The following CDH13 variants were observed in gnomAD, a reference collection of about 807,000 sequenced individuals.
CDH13 encodes cadherin 13.
CDH13 carries 24 observed loss-of-function variants against 63.8 expected under a neutral mutation model. The ratio of observed to expected loss-of-function variants is 0.38; its 90% CI spans 0.27 to 0.53. The LOEUF is 0.53. Ranked by LOEUF, CDH13 falls within the 20% of genes least tolerant of loss-of-function variation. The probability of loss-of-function intolerance (pLI) is 0.85; values close to 1 mark genes in which losing one functional copy is unlikely to be tolerated. For missense variants in CDH13, 1,049 were observed against 903.1 expected, an observed-to-expected ratio of 1.16 and a Z score of -2.07; for synonymous variants, 503 against 355.3, an observed-to-expected ratio of 1.42 and a Z score of -4.67.
At chr16:83,170,947 C>T (rs1290743092) in intron 4 of CDH13, among the ~76,000 whole-genome samples, 1 of 152,058 alleles carries the variant, frequency 6.6e-6, no homozygotes. Context: ...CGTCGCTATC[C>T]TCTTCTCCTC....
intron 5 of CDH13, among the ~76,000 whole-genome samples, chr16:83,266,591 C>T (rs1048682093): frequency 6.6e-6 from 1 of 152,230 alleles, no homozygotes; most frequent in African/African-American, 2.4e-5. Flanking sequence ...CTCCCCTCTT[C>T]ACACTCCAGG....
chr16:83,439,200 G>A (rs890130289), intron 6 of CDH13, among the ~76,000 whole-genome samples: 4 of 152,064 alleles, frequency 2.6e-5, no homozygotes, highest in Non-Finnish European at 4.4e-5. Flanking sequence ...TGGAAAGAAC[G>A]GTGTCTGGCA....
intron 3 of CDH13, among the ~76,000 whole-genome samples, chr16:83,124,757 G>T (rs1164913441): frequency 1.3e-5 from 2 of 151,946 alleles, no homozygotes; most frequent in African/African-American, 4.8e-5. Flanking sequence ...TGGGTGTTTA[G>T]GCCAACACCA....
intron 1 of CDH13, among the ~76,000 whole-genome samples, chr16:82,782,604 T>C (rs1022742210): frequency 2.0e-5 from 3 of 151,750 alleles, no homozygotes; most frequent in African/African-American, 7.3e-5. Flanking sequence ...AAGTGCATAA[T>C]AGGTAGATAA....
At position 83,724,318 on chromosome 16, in the gene CDH13, G is replaced by T. The variant is rs1369365877; in HGVS notation, c.1539-23790G>T. On this transcript the variant is annotated intron_variant, in intron 10 of 13. Transcript: ENST00000567109. ...ATGAATGCATGGGTGAGTGATGAATGAATGGATGAGTGTGGAATGCATGGC... is the reference window on the plus strand; with the variant it reads ...ATGAATGCATGGGTGAGTGATGAATTAATGGATGAGTGTGGAATGCATGGC... Among the ~76,000 whole-genome samples the T allele has an allele frequency of 2.6e-5, 4 of 151,238 alleles. No homozygotes were observed. In the East Asian group the frequency reaches 7.8e-4, roughly 29 times the overall value.
intron 3 of CDH13, among the ~76,000 whole-genome samples, chr16:83,102,591 G>A (rs575476993): frequency 2.6e-5 from 4 of 152,268 alleles, no homozygotes; most frequent in African/African-American, 7.2e-5. Flanking sequence ...TGGAAGCTAC[G>A]AAGCAGAGGA....
intron 3 of CDH13, among the ~76,000 whole-genome samples, chr16:83,033,934 C>T (rs1003012774): frequency 6.6e-6 from 1 of 152,124 alleles, no homozygotes; most frequent in Non-Finnish European, 1.5e-5. Flanking sequence ...TCCCTTTTCT[C>T]CACCTGCCAT....
chr16:82,945,556 TG>T (rs1432617336), intron 2 of CDH13, among the ~76,000 whole-genome samples: 1 of 152,198 alleles, frequency 6.6e-6, no homozygotes, highest in Non-Finnish European at 1.5e-5. Context: ...GGGCATTTAC[TG>T]TGGTGCATAT....
chr16:83,680,843 G>C (rs1037383367), intron 10 of CDH13, among the ~76,000 whole-genome samples: 4 of 151,962 alleles, frequency 2.6e-5, no homozygotes, highest in African/African-American at 9.7e-5. Context: ...AAAGTCCATG[G>C]GAACAAAGGC....
intron 10 of CDH13, among the ~76,000 whole-genome samples, chr16:83,729,743 C>G (rs1910830998): frequency 6.6e-6 from 1 of 152,214 alleles, no homozygotes; most frequent in African/African-American, 2.4e-5. Context: ...AGCAAGTGCT[C>G]AATAAATATT....
At chr16:83,131,017 C>T (rs889616563) in intron 4 of CDH13, among the ~76,000 whole-genome samples, 1 of 152,178 alleles carries the variant, frequency 6.6e-6, no homozygotes, top group Non-Finnish European at 1.5e-5. Context: ...TTGACTGATA[C>T]ATAATTTATC....
At chr16:83,173,210 C>A (rs1264033837) in intron 4 of CDH13, among the ~76,000 whole-genome samples, 3 of 152,126 alleles carry the variant, frequency 2.0e-5, no homozygotes, top group Non-Finnish European at 4.4e-5. Context: ...TGTTCCTGGT[C>A]ATACACTCTG....
At chr16:83,218,737 T>A (rs1429764521) in intron 5 of CDH13, among the ~76,000 whole-genome samples, 8 of 152,148 alleles carry the variant, frequency 5.3e-5, no homozygotes, top group African/African-American at 1.9e-4. Context: ...GGATCTGATA[T>A]GGTTTGGCTG....
chr16:83,441,592 A>G (rs1468849799), intron 6 of CDH13, among the ~76,000 whole-genome samples: 1 of 152,188 alleles, frequency 6.6e-6, no homozygotes, highest in Non-Finnish European at 1.5e-5. Context: ...GCCATTCCTT[A>G]GAGTTGGGCA....
intron 7 of CDH13, among the ~76,000 whole-genome samples, chr16:83,514,078 C>G (rs1002202478): frequency 3.9e-5 from 6 of 152,030 alleles, no homozygotes; most frequent in African/African-American, 1.2e-4. Context: ...GACGTAGTGT[C>G]CATTACTAAT....
At chr16:83,363,157 A>G (rs1188413521) in intron 6 of CDH13, among the ~76,000 whole-genome samples, 1 of 152,202 alleles carries the variant, frequency 6.6e-6, no homozygotes, top group Non-Finnish European at 1.5e-5. Context: ...ATTCTGTTTC[A>G]GGCAACAAAA....
chr16:82,760,785 A>T (rs2034805045), intron 1 of CDH13, among the ~76,000 whole-genome samples: 1 of 152,012 alleles, frequency 6.6e-6, no homozygotes, highest in Non-Finnish European at 1.5e-5. Context: ...GTTTACAATC[A>T]TGGTGTAAGG....
At chr16:82,860,892 C>T (rs1170327473) in intron 2 of CDH13, among the ~76,000 whole-genome samples, 1 of 152,102 alleles carries the variant, frequency 6.6e-6, no homozygotes, top group African/African-American at 2.4e-5. Flanking sequence ...TATACCTAAC[C>T]AACCAATATT....
chr16:83,153,413 C>G (rs937254803), intron 4 of CDH13, among the ~76,000 whole-genome samples: 31 of 152,278 alleles, frequency 2.0e-4, no homozygotes, highest in African/African-American at 7.0e-4. Flanking sequence ...CAGTATCTTA[C>G]AGCCTCCAGC....
Sources: gnomAD v4.1 joint callset for allele counts (sites outside exome capture counted in the v4.1 genomes callset) on GRCh38, gnomAD v4.1.1 for gene constraint, MANE v1.5 for transcripts, NCBI Gene and HGNC (gene_info 2026-07-23, HGNC 2026-07-21) for gene names.